RASGRF2: variants seen among roughly 807,000 people sequenced by gnomAD.
RASGRF2 encodes the protein Ras protein specific guanine nucleotide releasing factor 2.
A neutral mutation model predicts 151.0 loss-of-function variants in RASGRF2; 76 were observed. That is an observed-to-expected ratio of 0.50 (90% CI 0.42 to 0.61). The LOEUF is 0.61. Among genes scored for constraint, RASGRF2 ranks in the 20% least tolerant of loss-of-function variants. RASGRF2 has a pLI of 0.00. For synonymous variants in RASGRF2, 504 were observed against 566.5 expected, an observed-to-expected ratio of 0.89 and a Z score of 1.57; for missense variants, 1,148 against 1,564.6, an observed-to-expected ratio of 0.73 and a Z score of 4.49.
intron 1 of RASGRF2, among the ~76,000 whole-genome samples, chr5:80,965,228 A>G (rs919548335): frequency 2.0e-5 from 3 of 152,092 alleles, no homozygotes; most frequent in Admixed American, 6.6e-5. Context: ...GAACTCTGAA[A>G]TATTTGTGGG....
intron 2 of RASGRF2, among the ~76,000 whole-genome samples, chr5:81,048,982 G>GCAGCTCTTCCTCTCTC (rs1241416240): frequency 6.6e-6 from 1 of 151,904 alleles, no homozygotes; most frequent in Non-Finnish European, 1.5e-5. Context: ...TCCTAGGCAC[G>GCAGCTCTTCCTCTCTC]CAGCTCTTCC....
intron 1 of RASGRF2, among the ~76,000 whole-genome samples, chr5:80,961,525 C>T (rs1355246023): frequency 6.6e-6 from 1 of 152,222 alleles, no homozygotes. Flanking sequence ...GCCGGACAGA[C>T]ACTTTCTGTT....
At chr5:81,148,729 C>T (rs139620372) in intron 17 of RASGRF2, among the ~76,000 whole-genome samples, 5,591 of 151,284 alleles carry the variant, frequency 0.037, 325 homozygotes, top group African/African-American at 0.12. Flanking sequence ...TGCGAAATGA[C>T]GAGTTAATGG....
chr5:81,087,083 G>A (rs911771343), intron 9 of RASGRF2, 130 bp downstream of exon 9: 1 of 846,876 alleles, frequency 1.2e-6, no homozygotes, highest in South Asian at 1.4e-5. Context: ...CACGGCCTTC[G>A]CCGAGGCGGT....
At chr5:81,195,507 AATC>A (rs1251976399) in intron 18 of RASGRF2, among the ~76,000 whole-genome samples, 1 of 152,138 alleles carries the variant, frequency 6.6e-6, no homozygotes, top group African/African-American at 2.4e-5. Context: ...TAAAAAATAA[AATC>A]ATTCTAGGTA....
chr5:81,160,048 G>C (rs1013584719), intron 17 of RASGRF2, among the ~76,000 whole-genome samples: 1 of 152,150 alleles, frequency 6.6e-6, no homozygotes, highest in African/African-American at 2.4e-5. Context: ...AGCACTTTGC[G>C]AGGCCAAGGT....
intron 1 of RASGRF2, among the ~76,000 whole-genome samples, chr5:81,030,075 A>G (rs1750183509): frequency 6.6e-6 from 1 of 152,130 alleles, no homozygotes; most frequent in Admixed American, 6.6e-5. Flanking sequence ...CAAATAAATG[A>G]AATGAAGTGA....
chr5:81,111,499 C>T (rs958004783), intron 13 of RASGRF2, among the ~76,000 whole-genome samples: 1 of 152,064 alleles, frequency 6.6e-6, no homozygotes, highest in Admixed American at 6.5e-5. Context: ...TAAGTGAAGA[C>T]ATTTTTAATA....
Position 81,227,790 on chromosome 5 carries a change from T to C in RASGRF2, c.*2020T>C, listed in dbSNP as rs1045485546. Reference sequence around the variant, plus strand: ...TCGGGCCAAACAACACGTGGAAAGGTGCATGCATTCTACTCTGCCTTGGAG... The same window carrying C: ...TCGGGCCAAACAACACGTGGAAAGGCGCATGCATTCTACTCTGCCTTGGAG... On this transcript the variant is annotated 3_prime_UTR_variant, in exon 27 of 27. Transcript: ENST00000265080. The C allele has an allele frequency of 6.6e-6, 1 of 152,118 alleles. No individual in the cohort carries two copies. Among genetic ancestry groups the C allele is most frequent in the East Asian group, 1.9e-4 (1 of 5,180 alleles). 9.4% of individuals were successfully genotyped at this position (152,118 alleles called of 1,614,324 possible).
intron 9 of RASGRF2, chr5:81,088,114 A>G (rs1752290656): frequency 6.6e-6 from 1 of 152,228 alleles, no homozygotes; most frequent in South Asian, 2.1e-4. Context: ...TAATGCTGAC[A>G]ACATCAGGCC....
chr5:81,161,106 G>C (rs1209091768), intron 17 of RASGRF2, among the ~76,000 whole-genome samples: 4 of 152,146 alleles, frequency 2.6e-5, no homozygotes, highest in Non-Finnish European at 5.9e-5. Context: ...ACTTTCTGAG[G>C]ATTATGTTGT....
chr5:81,189,711 C>CTTTTT (rs369630375), intron 18 of RASGRF2, among the ~76,000 whole-genome samples: 11 of 120,838 alleles, frequency 9.1e-5, no homozygotes, highest in African/African-American at 2.3e-4. Context: ...GGCCTATATA[C>CTTTTT]TTTTTTTTTT....
At chr5:81,025,152 C>T (rs1749975033) in intron 1 of RASGRF2, among the ~76,000 whole-genome samples, 1 of 152,244 alleles carries the variant, frequency 6.6e-6, no homozygotes, top group Admixed American at 6.5e-5. Flanking sequence ...CTCTGTGCTG[C>T]AGCTTCTTGC....
chr5:81,087,108 T>C, intron 9 of RASGRF2, 155 bp downstream of exon 9: 1 of 739,398 alleles, frequency 1.4e-6, no homozygotes, highest in South Asian at 1.4e-5. Flanking sequence ...GAGGCCCACC[T>C]TTGTGCTGTT....
At chr5:81,186,312 A>T (rs1307891101) in intron 18 of RASGRF2, among the ~76,000 whole-genome samples, 1 of 152,158 alleles carries the variant, frequency 6.6e-6, no homozygotes, top group Non-Finnish European at 1.5e-5. Context: ...GGACATTTCC[A>T]GCACCTGAGA....
At chr5:81,053,846 T>A (rs1751104690) in intron 2 of RASGRF2, among the ~76,000 whole-genome samples, 1 of 152,248 alleles carries the variant, frequency 6.6e-6, no homozygotes, top group Non-Finnish European at 1.5e-5. Flanking sequence ...TATCTCATTG[T>A]GGTTTTGATT....
In RASGRF2 at chr5:81,070,488, C is replaced by T. The variant is rs1215763063; in HGVS notation, c.544-4C>T. On this transcript the variant is annotated splice_polypyrimidine_tract_variant and splice_region_variant and intron_variant, in intron 3 of 26. Transcript: ENST00000265080. ...TCATGAAATGGACCAACTTTGTGTT[C>T]CAGATTATTGCTCTTAATAAAACCA... 6.3e-7 allele frequency: 1 copy of T among 1,591,566 alleles called. No individual in the cohort carries two copies. Among genetic ancestry groups the T allele is most frequent in the Admixed American group, 1.7e-5 (1 of 59,990 alleles).
intron 1 of RASGRF2, 28 bp downstream of exon 1, chr5:80,961,054 C>T: frequency 7.0e-7 from 1 of 1,423,756 alleles, no homozygotes; most frequent in Non-Finnish European, 9.2e-7. Context: ...TCCGCGGTCT[C>T]CCAGCCTTGA....
chr5:81,222,628 G>A (rs972223142), intron 26 of RASGRF2, among the ~76,000 whole-genome samples: 3 of 152,190 alleles, frequency 2.0e-5, no homozygotes, highest in African/African-American at 7.2e-5. Context: ...TATCCATGAA[G>A]TTCAGAGCTG....
Sources: allele counts gnomAD v4.1 joint callset (sites outside exome capture counted in the v4.1 genomes callset), GRCh38; gene constraint gnomAD v4.1.1; transcripts MANE v1.5; gene names NCBI Gene and HGNC (gene_info 2026-07-23, HGNC 2026-07-21).